The following ACOX3 variants were observed in gnomAD, a reference collection of about 807,000 sequenced individuals.
ACOX3 encodes acyl-CoA oxidase 3, pristanoyl.
Under a neutral mutation model 81.5 loss-of-function variants are expected in ACOX3, and 73 were observed. The observed-to-expected ratio is 0.90, with a 90% CI of 0.74 to 1.09. ACOX3 has a LOEUF of 1.09. Among genes scored for constraint, ACOX3 ranks in the 50% least tolerant of loss-of-function variants. The pLI, the probability that ACOX3 is intolerant of heterozygous loss-of-function variation, is 0.00. For missense variants in ACOX3, 947 were observed against 928.0 expected (o/e 1.02, Z -0.27); for synonymous variants, 387 against 375.1 (o/e 1.03, Z -0.37).
rs775702071 is a variant in ACOX3 at position 8,396,966 on chromosome 4, C to T, written c.1027G>A (p.Glu343Lys). The T allele has an allele frequency of 5.6e-6, 9 of 1,612,080 alleles. No homozygotes were observed. The highest frequency in any genetic ancestry group is 4.4e-5 in the South Asian group (4 of 90,604). Residue 343 changes from glutamate (E) to lysine (K), a missense_variant, in exon 9 of 18, where the codon GAA becomes AAA. Coordinates refer to ENST00000356406, the MANE Select transcript of ACOX3 (RefSeq NM_003501.3). ...ATTGGATACTCAAGCACTGGTATTT[C>T]CTCCTCCTCTGTGGGTCCAAACTGA... The part of the protein sequence containing the change: ...RRQFGPTEEE[E>K]IPVLEYPMQQ...
At position 8,407,046 on chromosome 4, in the gene ACOX3, T is replaced by A. The variant is rs1210293825; in HGVS notation, c.688-1003A>T. Among the ~76,000 whole-genome samples the A allele has an allele frequency of 6.6e-6, 1 of 152,192 alleles. No homozygotes were observed. Among genetic ancestry groups the A allele is most frequent in the African/African-American group, 2.4e-5 (1 of 41,442 alleles). On this transcript the variant is annotated intron_variant, in intron 6 of 17. Transcript: ENST00000356406. This position sits in a 1 kb window ranked among gnomAD's most constrained non-coding sequence, Gnocchi z 4.6. Reference sequence around the variant, plus strand: ...CTTATGCTACCGCTAGACCACGGTCTGCTTGGCAACGGGCGTCTTCCCAGA... The same window carrying A: ...CTTATGCTACCGCTAGACCACGGTCAGCTTGGCAACGGGCGTCTTCCCAGA...
chr4:8,388,392 C>T (rs111359696), intron 13 of ACOX3, among the ~76,000 whole-genome samples: 4 of 152,372 alleles, frequency 2.6e-5, no homozygotes, highest in South Asian at 4.1e-4. Context: ...GAGCACATAA[C>T]GAGCACGTGC....
Position 8,375,068 on chromosome 4 carries a change from C to A in ACOX3, c.1738G>T (p.Val580Leu). 1.3e-6 allele frequency: 2 copies of A among 1,554,674 alleles called. No homozygotes were observed. Among genetic ancestry groups the A allele is most frequent in the Non-Finnish European group, 1.7e-6 (2 of 1,148,948 alleles). ...AGCACGGCCCGCAGCGAGGGCGGCA[C>A]GGAAGGCTGGTGCACGTGCTCGTGG... Reference protein sequence around the residue: ...RFHEHVHQPSVPPSLRAVLGR... With the variant: ...RFHEHVHQPSLPPSLRAVLGR... The change falls in exon 15 of 18, where the codon GTG becomes TTG. Residue 580 changes from valine to leucine, a missense_variant. Physicochemically the swap from Val to Leu is conservative, Grantham distance 32. Transcript: ENST00000356406.
Position 8,382,990 on chromosome 4 carries a change from C to CAAAA in ACOX3, c.1538-1387_1538-1384dup, listed in dbSNP as rs143092717. Reference sequence around the variant, plus strand: ...TGGGCGACAGAGCGAGACTCCGTCTCAAAAAAAAAAAAAAAAGAAAAGAAA... The same window carrying CAAAA: ...TGGGCGACAGAGCGAGACTCCGTCTCAAAAAAAAAAAAAAAAAAAAGAAAAGAAA... On this transcript the variant is annotated intron_variant, in intron 13 of 17. Coordinates refer to ENST00000356406, the MANE Select transcript of ACOX3 (RefSeq NM_003501.3). The surrounding 1 kb of genome is among the most constrained non-coding windows in gnomAD (Gnocchi z 4.1). 5.5e-5 allele frequency among the ~76,000 whole-genome samples: 4 copies of CAAAA among 72,076 alleles called. No homozygotes were observed. The highest frequency in any genetic ancestry group is 7.4e-5 in the Non-Finnish European group (3 of 40,648). 47.3% of individuals were successfully genotyped at this position (72,076 alleles called of 152,430 possible).
intron 1 of ACOX3, among the ~76,000 whole-genome samples, chr4:8,424,016 A>G (rs1723213063): frequency 6.6e-6 from 1 of 152,218 alleles, no homozygotes; most frequent in African/African-American, 2.4e-5. Context: ...TGTGGCTACA[A>G]GGTTTCCAGA....
chr4:8,416,006 A>T lies in ACOX3; in HGVS notation c.145-7T>A. 6.2e-7 allele frequency: 1 copy of T among 1,612,384 alleles called. No homozygotes were observed. The highest frequency in any genetic ancestry group is 8.5e-7 in the Non-Finnish European group (1 of 1,178,524). ...GAGCTGAGAAGATGGTTTTCTGGAA[A>T]TGCAGGAGATGGGTAAGGCTTATTT... is the stretch of plus-strand genomic sequence containing the variant. On this transcript the variant is annotated splice_polypyrimidine_tract_variant and splice_region_variant and intron_variant, in intron 2 of 17. Transcript: ENST00000356406. This position sits in a 1 kb window ranked among gnomAD's most constrained non-coding sequence, Gnocchi z 4.2.
In ACOX3 at chr4:8,394,775, C is replaced by A. The variant is rs367985823; in HGVS notation, c.1057-33G>T. On this transcript the variant is annotated intron_variant, in intron 9 of 17. Coordinates refer to ENST00000356406, the MANE Select transcript of ACOX3 (RefSeq NM_003501.3). The surrounding 1 kb of genome is among the most constrained non-coding windows in gnomAD (Gnocchi z 5.9). ...AGACAAGACACCTGCGTGAACACAT[C>A]GTGGTTCCCATGAAGGGCAGCCCAT... 1.9e-6 allele frequency: 3 copies of A among 1,597,910 alleles called. No homozygotes were observed. Among genetic ancestry groups the A allele is most frequent in the Non-Finnish European group, 2.6e-6 (3 of 1,169,540 alleles).
intron 1 of ACOX3, among the ~76,000 whole-genome samples, chr4:8,426,944 A>G (rs1723550639): frequency 6.6e-6 from 1 of 152,112 alleles, no homozygotes. Flanking sequence ...CTACGCCCCA[A>G]TTCAGCAGGA....
rs903578299 is a variant in ACOX3 at position 8,399,942 on chromosome 4, A to G, written c.777-290T>C. Among the ~76,000 whole-genome samples the G allele has an allele frequency of 1.3e-5, 2 of 152,180 alleles. No individual in the cohort carries two copies. Among genetic ancestry groups the G allele is most frequent in the African/African-American group, 4.8e-5 (2 of 41,436 alleles). On this transcript the variant is annotated intron_variant, in intron 7 of 17. Transcript: ENST00000356406. The surrounding 1 kb of genome is among the most constrained non-coding windows in gnomAD (Gnocchi z 4.9). ...CAGTGAGACCCTGTTTCTAAAAAAG[A>G]AAAAAATGTAGGTTAAAAAATAGGC...
At chr4:8,359,574 G>A in the ACOX3 span, among the ~76,000 whole-genome samples, 3 of 152,184 alleles carry the variant, frequency 2.0e-5, no homozygotes, top group African/African-American at 4.8e-5. The surrounding 1 kb of genome is among the most constrained non-coding windows in gnomAD (Gnocchi z 6.0). Flanking sequence ...TTTGCTGATG[G>A]CTGTGAGTGA....
In ACOX3 at chr4:8,386,268, C is replaced by T. The variant is rs1473627127; in HGVS notation, c.1537+2905G>A. Among the ~76,000 whole-genome samples the T allele has an allele frequency of 1.3e-5, 2 of 152,136 alleles. No homozygotes were observed. Among genetic ancestry groups the T allele is most frequent in the African/African-American group, 4.8e-5 (2 of 41,428 alleles). Reference sequence around the variant, plus strand: ...TCTTTCTGTGGCAACATTTGGGAAGCTTAGAAAGTGACTTGCGGCCGGGCG... The same window carrying T: ...TCTTTCTGTGGCAACATTTGGGAAGTTTAGAAAGTGACTTGCGGCCGGGCG... On this transcript the variant is annotated intron_variant, in intron 13 of 17. Coordinates refer to ENST00000356406, the MANE Select transcript of ACOX3 (RefSeq NM_003501.3). The surrounding 1 kb of genome is among the most constrained non-coding windows in gnomAD (Gnocchi z 5.2).
At position 8,370,885 on chromosome 4, in the gene ACOX3, G is replaced by T. The variant is rs773977687; in HGVS notation, c.1983+23C>A. On this transcript the variant is annotated intron_variant, in intron 17 of 17. Transcript: ENST00000356406. This position sits in a 1 kb window ranked among gnomAD's most constrained non-coding sequence, Gnocchi z 6.3. ...GCCCATCAACCCTTGGGGCACTCCC[G>T]TGAGGCCCTGTCCTCCCTTTACCTC... 3.0e-5 allele frequency: 48 copies of T among 1,608,940 alleles called. No individual in the cohort carries two copies. Among genetic ancestry groups the T allele is most frequent in the East Asian group, 4.5e-5 (2 of 44,862 alleles).
At chr4:8,363,090 T>A (rs958822237), downstream of ACOX3, among the ~76,000 whole-genome samples, 4 of 152,242 alleles carry the variant, frequency 2.6e-5, no homozygotes, top group Admixed American at 6.5e-5. Flanking sequence ...ACCCTGCTTA[T>A]TCCTGTGAAC....
Position 8,386,263 on chromosome 4 carries a change from G to A in ACOX3, c.1537+2910C>T, listed in dbSNP as rs1400310896. Among the ~76,000 whole-genome samples the A allele has an allele frequency of 6.6e-6, 1 of 152,134 alleles. No homozygotes were observed. The highest frequency in any genetic ancestry group is 6.5e-5 in the Admixed American group (1 of 15,270). ...CTAGTTCTTTCTGTGGCAACATTTG[G>A]GAAGCTTAGAAAGTGACTTGCGGCC... On this transcript the variant is annotated intron_variant, in intron 13 of 17. Transcript: ENST00000356406. The surrounding 1 kb of genome is among the most constrained non-coding windows in gnomAD (Gnocchi z 5.2).
chr4:8,380,931 G>A (rs10034947), intron 14 of ACOX3, among the ~76,000 whole-genome samples: 1 of 152,144 alleles, frequency 6.6e-6, no homozygotes, highest in African/African-American at 2.4e-5. Context: ...AGATGGCTGG[G>A]ACAGGGCTGG....
intron 1 of ACOX3, chr4:8,428,202 C>G (rs879363337): frequency 6.6e-6 from 1 of 152,518 alleles, no homozygotes; most frequent in Non-Finnish European, 1.5e-5. Context: ...CCTGGCCCCC[C>G]CGCCCGCGAA....
At chr4:8,388,620 C>T (rs908147929) in intron 13 of ACOX3, among the ~76,000 whole-genome samples, 1 of 152,266 alleles carries the variant, frequency 6.6e-6, no homozygotes, top group African/African-American at 2.4e-5. Flanking sequence ...GGAGGCTGTC[C>T]GTGGCCAGCT....
downstream of ACOX3, among the ~76,000 whole-genome samples, chr4:8,362,766 A>G (rs1050393113): frequency 3.3e-5 from 5 of 152,220 alleles, no homozygotes; most frequent in African/African-American, 4.8e-5. Context: ...GAATTTACTC[A>G]ACTCATAGGT....
chr4:8,404,223 G>A lies in ACOX3; in HGVS notation c.776+1732C>T, dbSNP rs73211309. Among the ~76,000 whole-genome samples, 1,000 of 152,280 alleles carry A rather than the reference G, an allele frequency of 6.6e-3. 4 individuals are homozygous for A. Among genetic ancestry groups the A allele is most frequent in the South Asian group, 0.027 (131 of 4,820 alleles). ...CAGCGACCCTCCATACCTGCTACAC[G>A]GGCACCGTCCATGCCAAGCGCCTCC... On this transcript the variant is annotated intron_variant, in intron 7 of 17. Coordinates refer to ENST00000356406, the MANE Select transcript of ACOX3 (RefSeq NM_003501.3).
Sources: allele counts gnomAD v4.1 joint callset (sites outside exome capture counted in the v4.1 genomes callset), GRCh38; gene constraint gnomAD v4.1.1; non-coding constraint Gnocchi (gnomAD v3.1); transcripts MANE v1.5; gene names NCBI Gene and HGNC (gene_info 2026-07-23, HGNC 2026-07-21).